PCDHA7: variants seen among roughly 807,000 people sequenced by gnomAD.
The protein encoded by PCDHA7 is protocadherin alpha-7.
In PCDHA7, 37 loss-of-function variants were observed where a neutral mutation model predicts 57.2. The observed-to-expected ratio is 0.65, with a 90% CI of 0.50 to 0.85. The LOEUF is 0.85. PCDHA7 is among the 40% of genes least tolerant of loss of function. The pLI is 0.00. For missense variants in PCDHA7, 1,188 were observed against 1,241.8 expected, an observed-to-expected ratio of 0.96 and a Z score of 0.65; for synonymous variants, 553 against 558.8, an observed-to-expected ratio of 0.99 and a Z score of 0.15.
At chr5:140,920,023 C>T (rs1554199365) in intron 1 of PCDHA7, among the ~76,000 whole-genome samples, 1 of 152,096 alleles carries the variant, frequency 6.6e-6, no homozygotes, top group Non-Finnish European at 1.5e-5. Flanking sequence ...AAGATGGAGA[C>T]AGAGATTGGA....
chr5:140,913,489 G>C (rs1428566821), intron 1 of PCDHA7, among the ~76,000 whole-genome samples: 1 of 151,754 alleles, frequency 6.6e-6, no homozygotes, highest in Non-Finnish European at 1.5e-5. Context: ...TTCTTCATTA[G>C]TCTGTTTAAA....
At chr5:140,868,988 C>T in intron 1 of PCDHA7, 1 of 1,506,234 alleles carries the variant, frequency 6.6e-7, no homozygotes, top group Non-Finnish European at 8.9e-7. Context: ...CCGGATGCCA[C>T]CGTTTAAGGA....
At chr5:140,927,502 A>G (rs1554204633) in intron 1 of PCDHA7, 1 of 1,614,134 alleles carries the variant, frequency 6.2e-7, no homozygotes, top group Non-Finnish European at 8.5e-7. Context: ...GCTGGTGCTT[A>G]CAGCTCGGGA....
intron 1 of PCDHA7, chr5:140,928,189 G>A (rs1563102575): frequency 2.5e-6 from 4 of 1,614,214 alleles, no homozygotes; most frequent in Non-Finnish European, 3.4e-6. Context: ...GACAATCACT[G>A]TGTCAGTTGC....
At chr5:140,922,993 T>A (rs2081107625) in intron 1 of PCDHA7, among the ~76,000 whole-genome samples, 1 of 152,054 alleles carries the variant, frequency 6.6e-6, no homozygotes, top group Non-Finnish European at 1.5e-5. Context: ...AGGCAAGCCA[T>A]GAGAATGGTT....
intron 3 of PCDHA7, among the ~76,000 whole-genome samples, chr5:140,985,238 A>G (rs2097143387): frequency 1.3e-5 from 2 of 152,120 alleles, no homozygotes; most frequent in Non-Finnish European, 2.9e-5. Context: ...CGCCTGGCCT[A>G]ATCTTCTTAC....
intron 1 of PCDHA7, among the ~76,000 whole-genome samples, chr5:140,880,921 T>C (rs187033233): frequency 6.6e-6 from 1 of 152,272 alleles, no homozygotes; most frequent in East Asian, 1.9e-4. Context: ...AGAAATACTA[T>C]GTTAGTAAAA....
chr5:140,960,628 T>C (rs1474502656), intron 1 of PCDHA7, among the ~76,000 whole-genome samples: 1 of 152,192 alleles, frequency 6.6e-6, no homozygotes, highest in Non-Finnish European at 1.5e-5. Context: ...TTTTGAAATA[T>C]ATTTTTAAAA....
intron 1 of PCDHA7, chr5:140,882,607 T>G (rs1313419888): frequency 6.8e-6 from 11 of 1,614,124 alleles, no homozygotes; most frequent in East Asian, 2.2e-5. Flanking sequence ...TGGACAGGCC[T>G]CTGCAGGTTT....
chr5:140,849,872 G>C, intron 1 of PCDHA7: 1 of 1,598,650 alleles, frequency 6.3e-7, no homozygotes, highest in Non-Finnish European at 8.6e-7. Flanking sequence ...CGCAGTCCGA[G>C]TACACGGTGT....
At chr5:140,951,941 C>T (rs576414648) in intron 1 of PCDHA7, among the ~76,000 whole-genome samples, 8 of 152,220 alleles carry the variant, frequency 5.3e-5, no homozygotes, top group African/African-American at 1.4e-4. Flanking sequence ...AGATACAGTG[C>T]GGGTACAGGC....
intron 1 of PCDHA7, chr5:140,871,061 A>G (rs2052667671): frequency 6.2e-7 from 1 of 1,613,082 alleles, no homozygotes; most frequent in African/African-American, 1.3e-5. Flanking sequence ...GTGAAGGATC[A>G]CGGTGAGCCG....
intron 1 of PCDHA7, chr5:140,871,254 T>C (rs2052877149): frequency 6.8e-6 from 11 of 1,613,826 alleles, no homozygotes; most frequent in Admixed American, 1.7e-5. Context: ...TGCTGCTGTA[T>C]ACGGCGCTGT....
chr5:140,841,793 T>G (rs1777495976), intron 1 of PCDHA7: 1 of 1,613,848 alleles, frequency 6.2e-7, no homozygotes. Flanking sequence ...AGAGGGCGCG[T>G]CCGATGCAGA....
chr5:140,981,138 G>A (rs1554242668), intron 2 of PCDHA7, among the ~76,000 whole-genome samples: 11 of 152,206 alleles, frequency 7.2e-5, no homozygotes. Flanking sequence ...GTCAAAGAGT[G>A]AGAAAACATT....
chr5:140,926,959 G>C (rs781794027), intron 1 of PCDHA7: 23 of 1,603,904 alleles, frequency 1.4e-5, no homozygotes, highest in Non-Finnish European at 1.9e-5. Context: ...GGGACAGCTC[G>C]AGTACTCAGT....
Position 140,835,742 on chromosome 5 carries a change from G to T in PCDHA7, c.1359G>T (p.Pro453=). 1 of 1,613,670 alleles carries T rather than the reference G, an allele frequency of 6.2e-7. No homozygotes were observed. Among genetic ancestry groups the T allele is most frequent in the Non-Finnish European group, 8.5e-7 (1 of 1,179,836 alleles). ...TGGCCGACGTGAACGACAACGCCCC[G>T]GCGTTCGCGCAGCCCGAGTATACGG... The part of the protein sequence containing the change: ...VEVADVNDNA[P]AFAQPEYTVF... The change falls in exon 1 of 4, where the codon CCG becomes CCT. Residue 453 remains proline, a synonymous_variant. Coordinates refer to ENST00000525929, the MANE Select transcript of PCDHA7 (RefSeq NM_018910.3).
chr5:140,883,356 C>T (rs147755059), intron 1 of PCDHA7: 31 of 1,614,190 alleles, frequency 1.9e-5, no homozygotes, highest in Non-Finnish European at 2.3e-5. Flanking sequence ...AGAGAAGACA[C>T]TCAGCCTAGC....
chr5:140,851,814 CAG>C, intron 1 of PCDHA7: 1 of 954,570 alleles, frequency 1.0e-6, no homozygotes, highest in Non-Finnish European at 1.3e-6. Flanking sequence ...ATCCATAAGA[CAG>C]AAATCTGTTT....
Sources: allele counts gnomAD v4.1 joint callset (sites outside exome capture counted in the v4.1 genomes callset), GRCh38; gene constraint gnomAD v4.1.1; transcripts MANE v1.5; gene names NCBI Gene and HGNC (gene_info 2026-07-23, HGNC 2026-07-21).